Variants in WIPF1 observed in about 807,000 individuals in gnomAD.
WIPF1 encodes the protein WAS/WASL-interacting protein family member 1.
Under a neutral mutation model 35.4 loss-of-function variants are expected in WIPF1, and 13 were observed. That is an observed-to-expected ratio of 0.37 (90% CI 0.24 to 0.58). The LOEUF (loss-of-function observed/expected upper bound fraction) is 0.58, where lower values mean the gene tolerates loss of function less well. WIPF1 is among the 20% of genes least tolerant of loss of function. WIPF1 has a pLI of 0.74. For synonymous variants in WIPF1, 267 were observed against 266.3 expected (o/e 1.00, Z -0.02); for missense variants, 591 against 667.0 (o/e 0.89, Z 1.25).
At chr2:174,657,828 T>C (rs1285565302) in intron 1 of WIPF1, among the ~76,000 whole-genome samples, 1 of 150,598 alleles carries the variant, frequency 6.6e-6, no homozygotes, top group African/African-American at 2.4e-5. Context: ...GAGAATTGCT[T>C]GAACCTGGGA....
At chr2:174,677,818 G>C (rs1688167964) in intron 1 of WIPF1, among the ~76,000 whole-genome samples, 1 of 152,200 alleles carries the variant, frequency 6.6e-6, no homozygotes, top group African/African-American at 2.4e-5. Context: ...CGAAAGGAAA[G>C]TGCAGTTTAG....
chr2:174,677,681 C>T lies in WIPF1; in HGVS notation c.-39+5093G>A, dbSNP rs150588684. On this transcript the variant is annotated intron_variant, in intron 1 of 8. Coordinates refer to the WIPF1 transcript ENST00000272746. ...AGCACATTCTTCTTTTACTGAGTATCAGCAAAGTCTATTATTTCGACTTTT... is the reference window on the plus strand; with the variant it reads ...AGCACATTCTTCTTTTACTGAGTATTAGCAAAGTCTATTATTTCGACTTTT... Among the ~76,000 whole-genome samples, 742 of 152,326 alleles carry T rather than the reference C, an allele frequency of 4.9e-3. 4 individuals carry two copies. Among genetic ancestry groups the T allele is most frequent in the Middle Eastern group, 0.017 (5 of 294 alleles).
intron 1 of WIPF1, among the ~76,000 whole-genome samples, chr2:174,632,894 G>A (rs1355607630): frequency 1.3e-5 from 2 of 152,140 alleles, no homozygotes; most frequent in African/African-American, 4.8e-5. Context: ...GAGCTCCTTC[G>A]AGGGATGTCC....
chr2:174,589,077 GA>G (rs916895546), intron 1 of WIPF1, among the ~76,000 whole-genome samples: 11 of 152,164 alleles, frequency 7.2e-5, no homozygotes, highest in African/African-American at 2.7e-4. Flanking sequence ...AAGTGTGTGA[GA>G]AACCCCAGAC....
At position 174,594,409 on chromosome 2, in the gene WIPF1, A is replaced by C. The variant is rs551768329; in HGVS notation, c.-39+3192T>G. On this transcript the variant is annotated intron_variant, in intron 1 of 7. Transcript: ENST00000679041. The stretch of plus-strand genomic sequence containing the variant: ...TTTTAATCCACTATTGTGCACATTT[A>C]ATTTTAAAATTAATACAAATTCACA... Among the ~76,000 whole-genome samples the C allele has an allele frequency of 3.3e-5, 5 of 152,324 alleles. No homozygotes were observed. The East Asian group carries it at 9.6e-4, about 29-fold the overall frequency.
At chr2:174,677,298 TAC>T (rs1688154555) in intron 1 of WIPF1, among the ~76,000 whole-genome samples, 1 of 152,238 alleles carries the variant, frequency 6.6e-6, no homozygotes, top group Non-Finnish European at 1.5e-5. Flanking sequence ...ACTCAAATCT[TAC>T]AGAGTGGAAT....
upstream of WIPF1, among the ~76,000 whole-genome samples, chr2:174,598,466 T>G (rs1275980927): frequency 6.6e-6 from 1 of 152,114 alleles, no homozygotes; most frequent in Non-Finnish European, 1.5e-5. Flanking sequence ...CATATGCCAC[T>G]GCACCTGGCT....
intron 1 of WIPF1, among the ~76,000 whole-genome samples, chr2:174,640,593 T>TTATG (rs931539509): frequency 9.9e-5 from 15 of 152,174 alleles, no homozygotes; most frequent in African/African-American, 2.6e-4. Context: ...TTTATATTTT[T>TTATG]TATGTATGTA....
chr2:174,657,933 A>AAG (rs1246002772), intron 1 of WIPF1, among the ~76,000 whole-genome samples: 25 of 134,324 alleles, frequency 1.9e-4, no homozygotes, highest in African/African-American at 6.1e-4. Flanking sequence ...AAAAAAAAAA[A>AAG]AGAGAGAGAG....
At chr2:174,670,733 C>A (rs60719342) in intron 1 of WIPF1, among the ~76,000 whole-genome samples, 11,263 of 152,232 alleles carry the variant, frequency 0.074, 1,389 homozygotes, top group African/African-American at 0.25. Context: ...CTCAACTAGC[C>A]ATGGCCACAG....
In WIPF1 at chr2:174,575,304, G is replaced by C; in HGVS notation, c.258C>G (p.Gly86=). 1 of 1,613,138 alleles carries C rather than the reference G, an allele frequency of 6.2e-7. No homozygotes were observed. The highest frequency in any genetic ancestry group is 8.5e-7 in the Non-Finnish European group (1 of 1,179,712). The part of the protein sequence containing the change: ...GGGGFGGGGG[G]GGGGSFGGGG... Reference sequence around the variant, plus strand: ...CCCCTCCAAAACTTCCACCGCCTCCGCCACCACCTCCTCCGCCAAATCCGC... The same window carrying C: ...CCCCTCCAAAACTTCCACCGCCTCCCCCACCACCTCCTCCGCCAAATCCGC... Residue 86 remains glycine, a synonymous_variant, in exon 4 of 8, where the codon GGC becomes GGG. Transcript: ENST00000679041.
chr2:174,562,200 A>G lies in WIPF1; in HGVS notation c.*347T>C. The G allele has an allele frequency of 6.4e-7, 1 of 1,550,388 alleles. No individual in the cohort carries two copies. Among genetic ancestry groups the G allele is most frequent in the Non-Finnish European group, 8.7e-7 (1 of 1,146,948 alleles). The stretch of plus-strand genomic sequence containing the variant: ...GGAGAAAACAGCTCTCAGGGACTTT[A>G]ATAATTACAGTCTGTAACAAATAAG... On this transcript the variant is annotated 3_prime_UTR_variant, in exon 8 of 8. Coordinates refer to ENST00000679041, the MANE Select transcript of WIPF1 (RefSeq NM_001375834.1).
chr2:174,654,423 A>T (rs938741241), intron 1 of WIPF1, among the ~76,000 whole-genome samples: 1 of 152,146 alleles, frequency 6.6e-6, no homozygotes, highest in Non-Finnish European at 1.5e-5. Flanking sequence ...ATATAAAGAG[A>T]AAGCTTGTCT....
In WIPF1 at chr2:174,575,315, C is replaced by A; in HGVS notation, c.247G>T (p.Gly83Ter). 6.2e-7 allele frequency: 1 copy of A among 1,613,974 alleles called. No individual in the cohort carries two copies. Among genetic ancestry groups the A allele is most frequent in the Non-Finnish European group, 8.5e-7 (1 of 1,179,938 alleles). Residue 83 changes from glycine to a stop codon, truncating the protein, a stop_gained, in exon 4 of 8, where the codon GGA (glycine) becomes TGA (stop). Transcript: ENST00000679041. LOFTEE classifies it high-confidence loss of function. The stretch of plus-strand genomic sequence containing the variant: ...CTTCCACCGCCTCCGCCACCACCTC[C>A]TCCGCCAAATCCGCCGCCTCCACCA... ...GFGGGGGFGG[G>*]GGGGGGGSFG...
intron 3 of WIPF1, 183 bp downstream of exon 3, chr2:174,581,125 GCA>G: frequency 3.1e-6 from 2 of 639,966 alleles, no homozygotes; most frequent in Non-Finnish European, 5.1e-6. Context: ...GCTTCTTGCA[GCA>G]TTAGAGGGGA....
At chr2:174,610,394 A>G (rs1686305388) in intron 1 of WIPF1, among the ~76,000 whole-genome samples, 1 of 152,214 alleles carries the variant, frequency 6.6e-6, no homozygotes, top group Non-Finnish European at 1.5e-5. Flanking sequence ...CATTCCAACA[A>G]AATGATCAGT....
chr2:174,657,191 G>A (rs908518445), intron 1 of WIPF1, among the ~76,000 whole-genome samples: 1 of 152,164 alleles, frequency 6.6e-6, no homozygotes, highest in African/African-American at 2.4e-5. Context: ...AAATCATTAT[G>A]TAAGAACTAT....
intron 1 of WIPF1, among the ~76,000 whole-genome samples, chr2:174,661,798 A>G (rs1046886496): frequency 1.3e-5 from 2 of 152,172 alleles, no homozygotes; most frequent in African/African-American, 4.8e-5. Flanking sequence ...GTTGCAGAGG[A>G]GTGAAGAGGA....
chr2:174,602,997 T>A (rs71417495), intron 1 of WIPF1, among the ~76,000 whole-genome samples: 125 of 152,334 alleles, frequency 8.2e-4, no homozygotes, highest in Non-Finnish European at 1.2e-3. Context: ...CATTTGGCCC[T>A]AGAGACTTCT....
Sources: gnomAD v4.1 joint callset for allele counts (sites outside exome capture counted in the v4.1 genomes callset) on GRCh38, gnomAD v4.1.1 for gene constraint, MANE v1.5 for transcripts, NCBI Gene and HGNC (gene_info 2026-07-23, HGNC 2026-07-21) for gene names.